PLCG2: variants seen among roughly 807,000 people sequenced by gnomAD.
PLCG2 encodes the protein 1-phosphatidylinositol 4,5-bisphosphate phosphodiesterase gamma-2.
PLCG2 carries 69 observed loss-of-function variants against 175.6 expected under a neutral mutation model. The ratio of observed to expected loss-of-function variants is 0.39; its 90% CI spans 0.32 to 0.48. The LOEUF (loss-of-function observed/expected upper bound fraction) is 0.48. PLCG2 is among the 20% of genes least tolerant of loss of function. PLCG2 has a pLI of 0.91. For synonymous variants in PLCG2, 827 were observed against 624.0 expected, an observed-to-expected ratio of 1.33 and a Z score of -4.85; for missense variants, 1,798 against 1,650.9, an observed-to-expected ratio of 1.09 and a Z score of -1.54.
At chr16:81,764,683 G>C (rs1180855366) in intron 2 of PLCG2, among the ~76,000 whole-genome samples, 1 of 152,196 alleles carries the variant, frequency 6.6e-6, no homozygotes, top group Non-Finnish European at 1.5e-5. Flanking sequence ...AGGTTGAACA[G>C]TGTCCCCCAA....
chr16:81,783,201 A>C (rs979839969), intron 1 of PLCG2: 49 of 463,230 alleles, frequency 1.1e-4, no homozygotes, highest in Non-Finnish European at 2.0e-4. Flanking sequence ...GAGACCTGGG[A>C]GTGGGGAACT....
chr16:81,861,094 C>G (rs1162922563), intron 5 of PLCG2, among the ~76,000 whole-genome samples: 4 of 152,106 alleles, frequency 2.6e-5, no homozygotes, highest in African/African-American at 9.7e-5. Context: ...ATTGAACAAC[C>G]GTGTATTTGG....
At chr16:81,859,504 AGATT>A (rs141480003) in intron 5 of PLCG2, among the ~76,000 whole-genome samples, 11,048 of 152,170 alleles carry the variant, frequency 0.073, 434 homozygotes, top group Middle Eastern at 0.092. Flanking sequence ...GACAGGAGAG[AGATT>A]GATTGACCGT....
Position 81,958,305 on chromosome 16 carries a change from C to T in PLCG2, c.*307C>T, listed in dbSNP as rs1242797592. ...CAATGAAAACCTTGATCAATTAAGC[C>T]TTCTGTTGCACGACCTGTGCAGTGA... On this transcript the variant is annotated 3_prime_UTR_variant, in exon 33 of 33. Coordinates refer to ENST00000564138, the MANE Select transcript of PLCG2 (RefSeq NM_002661.5). The T allele has an allele frequency of 2.0e-5, 8 of 396,054 alleles. No homozygotes were observed. The highest frequency in any genetic ancestry group is 1.7e-4 in the South Asian group (4 of 22,860). 24.5% of individuals were successfully genotyped at this position (396,054 alleles called of 1,614,324 possible). A position where few individuals can be genotyped will look rare whatever the true frequency, so the allele number is the denominator to read the frequency against.
chr16:81,746,764 G>T (rs1036406577), intron 1 of PLCG2, among the ~76,000 whole-genome samples: 13 of 152,148 alleles, frequency 8.5e-5, no homozygotes, highest in African/African-American at 2.7e-4. Context: ...GCTTGATAAC[G>T]TCAATCAGGT....
At chr16:81,796,972 C>CA (rs1389367402) in intron 2 of PLCG2, among the ~76,000 whole-genome samples, 1 of 152,214 alleles carries the variant, frequency 6.6e-6, no homozygotes, top group East Asian at 1.9e-4. Context: ...TTGACCTACC[C>CA]ATTCAGCCAC....
intron 2 of PLCG2, among the ~76,000 whole-genome samples, chr16:81,763,830 G>A (rs879515533): frequency 1.4e-4 from 21 of 151,680 alleles, no homozygotes; most frequent in Non-Finnish European, 2.9e-4. Context: ...AGCTGGGCGT[G>A]GTGGCAGGCA....
At chr16:81,921,340 A>T (rs1284640563) in intron 21 of PLCG2, 71 bp downstream of exon 21, 1 of 1,025,686 alleles carries the variant, frequency 9.7e-7, no homozygotes. Context: ...TCTTGTTCCC[A>T]TGGCAGTTAT....
intron 2 of PLCG2, among the ~76,000 whole-genome samples, chr16:81,760,562 CAT>C (rs1198157706): frequency 1.3e-5 from 2 of 151,874 alleles, no homozygotes; most frequent in African/African-American, 2.4e-5. Context: ...GGCAGTCAAA[CAT>C]AGGAGGTCAA....
intron 7 of PLCG2, among the ~76,000 whole-genome samples, chr16:81,880,441 C>G (rs1179639848): frequency 6.6e-6 from 1 of 152,022 alleles, no homozygotes; most frequent in Non-Finnish European, 1.5e-5. Flanking sequence ...AATAGGCACA[C>G]AGGGACACTT....
intron 21 of PLCG2, among the ~76,000 whole-genome samples, chr16:81,921,767 G>A (rs768635344): frequency 2.0e-5 from 3 of 152,186 alleles, no homozygotes; most frequent in African/African-American, 7.2e-5. Context: ...GAACCACAGC[G>A]AATTTTCTGT....
chr16:81,829,770 C>G (rs1000607317), intron 2 of PLCG2, among the ~76,000 whole-genome samples: 6 of 152,212 alleles, frequency 3.9e-5, no homozygotes, highest in Non-Finnish European at 8.8e-5. Flanking sequence ...ATTTTGTCCA[C>G]TCTCTCCTGC....
chr16:81,831,012 C>T (rs62044141), intron 2 of PLCG2, among the ~76,000 whole-genome samples: 18,112 of 152,072 alleles, frequency 0.12, 1,132 homozygotes, highest in South Asian at 0.16. Flanking sequence ...CATCTTGGGG[C>T]CTTTGCATTT....
At chr16:81,747,659 G>A (rs924535066) in intron 1 of PLCG2, among the ~76,000 whole-genome samples, 3 of 152,132 alleles carry the variant, frequency 2.0e-5, no homozygotes, top group African/African-American at 2.4e-5. Context: ...GGAATACCAT[G>A]CAGCCATTTA....
Position 81,937,791 on chromosome 16 carries a change from C to G in PLCG2, c.3086C>G (p.Ser1029Cys), listed in dbSNP as rs1230237645. 2 of 1,614,012 alleles carry G rather than the reference C, an allele frequency of 1.2e-6. No homozygotes were observed. Among genetic ancestry groups the G allele is most frequent in the Middle Eastern group, 1.6e-4 (1 of 6,062 alleles). The change falls in exon 28 of 33, where the codon TCT becomes TGT. Residue 1029 changes from serine (S) to cysteine (C), a missense_variant. Physicochemically the swap from Ser to Cys is moderately radical, Grantham distance 112. Transcript: ENST00000564138. ...KYMQMNHALF[S>C]LNGRTGYVLQ... ...ATGCAGATGAATCACGCATTGTTTT[C>G]TCTCAATGGGCGCACGGGCTACGTT...
chr16:81,951,052 A>G (rs1239369538), intron 31 of PLCG2, among the ~76,000 whole-genome samples: 1 of 152,202 alleles, frequency 6.6e-6, no homozygotes, highest in Admixed American at 6.5e-5. Flanking sequence ...CAGTGGTGTG[A>G]TCATGGCTCA....
chr16:81,771,450 A>C (rs1423164102), intron 2 of PLCG2, among the ~76,000 whole-genome samples: 2 of 152,186 alleles, frequency 1.3e-5, no homozygotes, highest in African/African-American at 4.8e-5. Context: ...GTGCTGTTGG[A>C]GAACTCTTGC....
chr16:81,825,722 G>T (rs1405283762), intron 2 of PLCG2, among the ~76,000 whole-genome samples: 1 of 152,188 alleles, frequency 6.6e-6, no homozygotes, highest in Non-Finnish European at 1.5e-5. Context: ...ACACTCCCAC[G>T]TAACCATCTC....
intron 2 of PLCG2, among the ~76,000 whole-genome samples, chr16:81,786,660 T>TA (rs768034248): frequency 5.3e-5 from 8 of 152,222 alleles, no homozygotes; most frequent in Non-Finnish European, 1.0e-4. Flanking sequence ...GAACGTTTTG[T>TA]AGCTTTCAAA....
Sources: gnomAD v4.1 joint callset for allele counts (sites outside exome capture counted in the v4.1 genomes callset) on GRCh38, gnomAD v4.1.1 for gene constraint, MANE v1.5 for transcripts, NCBI Gene and HGNC (gene_info 2026-07-23, HGNC 2026-07-21) for gene names.